Variants in ASCC2 observed in about 807,000 individuals in gnomAD.
ASCC2 encodes activating signal cointegrator 1 complex subunit 2.
Under a neutral mutation model 93.5 loss-of-function variants are expected in ASCC2, and 42 were observed. That is an observed-to-expected ratio of 0.45 (90% CI 0.35 to 0.58). The LOEUF is 0.58. ASCC2 is among the 20% of genes least tolerant of loss of function. ASCC2 has a pLI of 0.00. For missense variants in ASCC2, 859 were observed against 977.6 expected (o/e 0.88, Z 1.62); for synonymous variants, 364 against 384.2 (o/e 0.95, Z 0.62).
chr22:29,788,613 T>C lies in ASCC2; in HGVS notation c.*400A>G. The C allele has an allele frequency of 4.3e-6, 1 of 234,628 alleles. No homozygotes were observed. Among genetic ancestry groups the C allele is most frequent in the Non-Finnish European group, 8.5e-6 (1 of 117,560 alleles). The allele number at this position is 234,628 out of a possible 1,614,324, so 14.5% of individuals were successfully genotyped here. On this transcript the variant is annotated 3_prime_UTR_variant, in exon 20 of 20. Transcript: ENST00000307790. ...GGGTCATGGACATACACAGATCGTT[T>C]GAAAGGGTCAAAAATTTTATTAGCA...
At position 29,825,484 on chromosome 22, in the gene ASCC2, G is replaced by T; in HGVS notation, c.240+138C>A. The T allele has an allele frequency of 7.7e-7, 1 of 1,300,978 alleles. No individual in the cohort carries two copies. The highest frequency in any genetic ancestry group is 1.1e-6 in the Non-Finnish European group (1 of 921,836). 80.6% of individuals were successfully genotyped at this position (1,300,978 alleles called of 1,614,324 possible). On this transcript the variant is annotated intron_variant, in intron 3 of 19. Transcript: ENST00000307790. The surrounding 1 kb of genome is among the most constrained non-coding windows in gnomAD (Gnocchi z 4.9). Reference sequence around the variant, plus strand: ...ATTGTGATACAAGACAGAGCAATCCGAACCACAATTTGCTGTTAAGGATCC... The same window carrying T: ...ATTGTGATACAAGACAGAGCAATCCTAACCACAATTTGCTGTTAAGGATCC...
chr22:29,834,591 T>C, intron 1 of ASCC2: 1 of 470,212 alleles, frequency 2.1e-6, no homozygotes, highest in Non-Finnish European at 4.4e-6. Flanking sequence ...ATAAAGGGCT[T>C]AGGTAAGTTT....
chr22:29,789,175 A>G lies in ASCC2; in HGVS notation c.2112T>C (p.His704=), dbSNP rs1346184414. ...TGCCGGCCACTGCTGTTGAGCTGTC[A>G]TGCCGGTACCTGAGGGAGGAACAAC... ...MAFLAKKGYR[H]DSSTAVAGSP... The change falls in exon 20 of 20, where the codon CAT becomes CAC. Residue 704 remains histidine, a synonymous_variant. Coordinates refer to ENST00000307790, the MANE Select transcript of ASCC2 (RefSeq NM_032204.5). 1.9e-6 allele frequency: 3 copies of G among 1,614,010 alleles called. No individual in the cohort carries two copies. Among genetic ancestry groups the G allele is most frequent in the South Asian group, 2.2e-5 (2 of 91,074 alleles).
intron 5 of ASCC2, among the ~76,000 whole-genome samples, chr22:29,819,997 C>G (rs1019340945): frequency 1.3e-5 from 2 of 151,454 alleles, no homozygotes; most frequent in African/African-American, 2.4e-5. Flanking sequence ...GTAGCTGAGA[C>G]TACAGGGGCA....
intron 2 of ASCC2, among the ~76,000 whole-genome samples, chr22:29,830,618 G>A (rs1456203558): frequency 6.6e-6 from 1 of 152,110 alleles, no homozygotes; most frequent in Admixed American, 6.6e-5. Flanking sequence ...CTGGATCGGC[G>A]GCCCCGGCTC....
intron 5 of ASCC2, among the ~76,000 whole-genome samples, chr22:29,817,035 G>A (rs2060944113): frequency 6.6e-6 from 1 of 152,178 alleles, no homozygotes; most frequent in Non-Finnish European, 1.5e-5. Context: ...GACCCTGGAG[G>A]ATTTGAAAAA....
chr22:29,802,249 G>A, intron 13 of ASCC2, 41 bp from the exon 14 acceptor site: 1 of 1,602,408 alleles, frequency 6.2e-7, no homozygotes, highest in South Asian at 1.1e-5. Flanking sequence ...AGGCTAAGTG[G>A]GCCGGTGATA....
At chr22:29,801,525 T>C (rs530113507) in intron 14 of ASCC2, among the ~76,000 whole-genome samples, 38 of 152,308 alleles carry the variant, frequency 2.5e-4, no homozygotes, top group African/African-American at 7.9e-4. Context: ...CATCACTTGC[T>C]CATGGAAGAA....
chr22:29,807,822 T>C (rs1256152107), intron 9 of ASCC2, among the ~76,000 whole-genome samples: 3 of 151,542 alleles, frequency 2.0e-5, no homozygotes, highest in African/African-American at 7.3e-5. Context: ...AGTGGGAGGA[T>C]TGATTGATGT....
At chr22:29,823,317 G>C (rs1322074969) in intron 4 of ASCC2, among the ~76,000 whole-genome samples, 1 of 152,202 alleles carries the variant, frequency 6.6e-6, no homozygotes, top group Non-Finnish European at 1.5e-5. Flanking sequence ...GGGATTACAG[G>C]CATGAGCTAC....
At chr22:29,801,201 G>C in intron 14 of ASCC2, 91 bp from the exon 15 acceptor site, 1 of 1,453,252 alleles carries the variant, frequency 6.9e-7, no homozygotes, top group Non-Finnish European at 9.2e-7. Flanking sequence ...AAATCCATCG[G>C]ATTTTTCAGT....
chr22:29,836,962 G>A (rs1177124255), intron 1 of ASCC2, among the ~76,000 whole-genome samples: 2 of 152,184 alleles, frequency 1.3e-5, no homozygotes, highest in East Asian at 3.8e-4. Context: ...CAGTCATAAT[G>A]GGGAAAGACA....
At chr22:29,833,113 T>C (rs983053743) in intron 1 of ASCC2, among the ~76,000 whole-genome samples, 3 of 152,166 alleles carry the variant, frequency 2.0e-5, no homozygotes, top group African/African-American at 7.2e-5. Context: ...TGGCTAAAAA[T>C]ATGTAGATTC....
intron 10 of ASCC2, 52 bp downstream of exon 10, chr22:29,806,745 A>G (rs1158925775): frequency 2.0e-6 from 3 of 1,528,918 alleles, no homozygotes; most frequent in African/African-American, 2.7e-5. Context: ...AACGCTCCTG[A>G]AGGGCTTGGG....
chr22:29,826,050 A>G, intron 2 of ASCC2: 2 of 322,416 alleles, frequency 6.2e-6, no homozygotes, highest in Middle Eastern at 8.8e-4. Context: ...CTCTCTGTTT[A>G]ATATAATCAG....
At chr22:29,819,443 TG>T (rs1971192216) in intron 5 of ASCC2, among the ~76,000 whole-genome samples, 1 of 152,146 alleles carries the variant, frequency 6.6e-6, no homozygotes, top group Admixed American at 6.5e-5. Context: ...ATTACAGGCG[TG>T]AGCCACCACA....
chr22:29,794,180 C>T (rs1257082143), intron 15 of ASCC2, among the ~76,000 whole-genome samples: 1 of 150,792 alleles, frequency 6.6e-6, no homozygotes, highest in African/African-American at 2.4e-5. Context: ...CCGCTGCGCC[C>T]GGCCAAGAGC....
Position 29,822,716 on chromosome 22 carries a change from C to CTT in ASCC2, c.412-254_412-253dup, listed in dbSNP as rs748997801. Among the ~76,000 whole-genome samples the CTT allele has an allele frequency of 2.4e-3, 224 of 93,016 alleles. 3 individuals are homozygous for CTT. The highest frequency in any genetic ancestry group is 4.4e-3 in the South Asian group (11 of 2,510). The allele number at this position is 93,016 out of a possible 152,430, so 61.0% of individuals were successfully genotyped here. Reference sequence around the variant, plus strand: ...TTTACAACTGGCTGTATTATCATGTCTTTTTTTTTTTTTTTTTTTTTTGAT... The same window carrying CTT: ...TTTACAACTGGCTGTATTATCATGTCTTTTTTTTTTTTTTTTTTTTTTTTGAT... On this transcript the variant is annotated intron_variant, in intron 4 of 19. Coordinates refer to ENST00000307790, the MANE Select transcript of ASCC2 (RefSeq NM_032204.5).
intron 14 of ASCC2, among the ~76,000 whole-genome samples, chr22:29,801,629 G>C (rs1055087837): frequency 1.3e-4 from 20 of 152,214 alleles, no homozygotes; most frequent in African/African-American, 4.8e-4. Flanking sequence ...GTGAGACGCT[G>C]TGGCCATCCT....
Sources: gnomAD v4.1 joint callset for allele counts (sites outside exome capture counted in the v4.1 genomes callset) on GRCh38, gnomAD v4.1.1 for gene constraint, Gnocchi (gnomAD v3.1) non-coding constraint, MANE v1.5 for transcripts, NCBI Gene and HGNC (gene_info 2026-07-23, HGNC 2026-07-21) for gene names.